Variants in IGF2BP3 observed in about 807,000 individuals in gnomAD.
The protein encoded by IGF2BP3 is insulin-like growth factor 2 mRNA-binding protein 3.
A neutral mutation model predicts 73.8 loss-of-function variants in IGF2BP3; 9 were observed. The observed-to-expected ratio is 0.12, with a 90% CI of 0.07 to 0.21. The LOEUF (loss-of-function observed/expected upper bound fraction) is 0.21, where lower values mean the gene tolerates loss of function less well. IGF2BP3 is among the 10% of genes least tolerant of loss of function. The pLI is 1.00. For synonymous variants in IGF2BP3, 258 were observed against 256.7 expected (o/e 1.01, Z -0.05); for missense variants, 542 against 714.0 (o/e 0.76, Z 2.75).
At chr7:23,411,177 C>T (rs1224915316) in intron 3 of IGF2BP3, among the ~76,000 whole-genome samples, 2 of 152,218 alleles carry the variant, frequency 1.3e-5, no homozygotes, top group African/African-American at 2.4e-5. Context: ...ACTCCCATTA[C>T]TACTTCTCGC....
At chr7:23,422,668 C>T (rs1251282149) in intron 2 of IGF2BP3, among the ~76,000 whole-genome samples, 1 of 152,186 alleles carries the variant, frequency 6.6e-6, no homozygotes, top group African/African-American at 2.4e-5. Context: ...ACATCCAACA[C>T]CCATTTAATT....
intron 10 of IGF2BP3, among the ~76,000 whole-genome samples, chr7:23,336,316 C>G (rs531051066): frequency 2.0e-5 from 3 of 152,252 alleles, no homozygotes; most frequent in African/African-American, 7.2e-5. Context: ...GATCTTAGTA[C>G]GTAATCTGTG....
At chr7:23,342,974 C>T (rs558178985) in intron 9 of IGF2BP3, among the ~76,000 whole-genome samples, 17 of 152,044 alleles carry the variant, frequency 1.1e-4, no homozygotes, top group Non-Finnish European at 2.1e-4. Context: ...ACATTTCCCT[C>T]GTCTCAGGTT....
At chr7:23,421,534 A>T (rs1787348008) in intron 2 of IGF2BP3, among the ~76,000 whole-genome samples, 1 of 150,890 alleles carries the variant, frequency 6.6e-6, no homozygotes, top group Non-Finnish European at 1.5e-5. Context: ...CTCTACTAAA[A>T]ATACAAAATT....
At chr7:23,460,875 C>T (rs1303124822) in intron 2 of IGF2BP3, among the ~76,000 whole-genome samples, 7 of 151,878 alleles carry the variant, frequency 4.6e-5, no homozygotes, top group African/African-American at 1.7e-4. Context: ...CTCTTGAACC[C>T]GGGAGGCGGA....
intron 3 of IGF2BP3, among the ~76,000 whole-genome samples, chr7:23,399,735 C>T (rs541294268): frequency 2.0e-4 from 30 of 152,054 alleles, no homozygotes; most frequent in Non-Finnish European, 4.1e-4. Flanking sequence ...AATAATACAC[C>T]TCTCCTCCAC....
In IGF2BP3 at chr7:23,323,511, C is replaced by T. The variant is rs1195920189; in HGVS notation, c.1204-4257G>A. Among the ~76,000 whole-genome samples, 48 of 146,524 alleles carry T rather than the reference C, an allele frequency of 3.3e-4. 1 individual carries two copies. The highest frequency in any genetic ancestry group is 8.4e-4 in the African/African-American group (32 of 38,080). ...CCACTGTCAACATTAGACAGATCAA[C>T]GAGACAGAAAGTCAACAAGGATACC... On this transcript the variant is annotated intron_variant, in intron 10 of 14. Transcript: ENST00000258729.
intron 12 of IGF2BP3, among the ~76,000 whole-genome samples, chr7:23,316,162 C>T (rs1245590810): frequency 6.6e-6 from 1 of 152,198 alleles, no homozygotes; most frequent in East Asian, 1.9e-4. Context: ...AATTTCTTCA[C>T]ATGATTTTCT....
chr7:23,335,776 C>G (rs1028726415), intron 10 of IGF2BP3, among the ~76,000 whole-genome samples: 5 of 152,208 alleles, frequency 3.3e-5, no homozygotes, highest in African/African-American at 1.2e-4. Flanking sequence ...CAAGACCATC[C>G]AGCTAAGGCG....
intron 2 of IGF2BP3, among the ~76,000 whole-genome samples, chr7:23,458,082 C>T (rs1788362675): frequency 6.6e-6 from 1 of 152,194 alleles, no homozygotes; most frequent in South Asian, 2.1e-4. Context: ...CAACGGCTTC[C>T]ATTGGAATGA....
intron 2 of IGF2BP3, among the ~76,000 whole-genome samples, chr7:23,438,496 T>A (rs189854673): frequency 1.4e-4 from 21 of 152,008 alleles, no homozygotes; most frequent in Non-Finnish European, 1.5e-5. Context: ...CCAACCTCAG[T>A]CACCATCTAA....
At position 23,398,538 on chromosome 7, in the gene IGF2BP3, C is replaced by A. The variant is rs369187822; in HGVS notation, c.285+20238G>T. Among the ~76,000 whole-genome samples the A allele has an allele frequency of 2.1e-3, 315 of 152,272 alleles. 3 individuals are homozygous for A. The highest frequency in any genetic ancestry group is 5.7e-3 in the African/African-American group (238 of 41,560). ...GTTTACAGTCCCACCAACAGTGTAA[C>A]AGTGTTCCTATTTCTCCACATCCTC... On this transcript the variant is annotated intron_variant, in intron 3 of 14. Coordinates refer to ENST00000258729, the MANE Select transcript of IGF2BP3 (RefSeq NM_006547.3).
At chr7:23,391,641 A>G (rs1351329939) in intron 3 of IGF2BP3, among the ~76,000 whole-genome samples, 1 of 152,226 alleles carries the variant, frequency 6.6e-6, no homozygotes, top group Non-Finnish European at 1.5e-5. Context: ...ACTACAAGAC[A>G]TCTACTTAGA....
intron 10 of IGF2BP3, among the ~76,000 whole-genome samples, chr7:23,339,564 GTTCTA>G (rs1241366908): frequency 2.0e-5 from 3 of 152,174 alleles, no homozygotes; most frequent in Non-Finnish European, 4.4e-5. Context: ...GTCCAAGAAT[GTTCTA>G]TTCTGTGATC....
intron 10 of IGF2BP3, among the ~76,000 whole-genome samples, chr7:23,322,079 A>G (rs1402740465): frequency 2.0e-5 from 3 of 152,236 alleles, no homozygotes; most frequent in African/African-American, 7.2e-5. Flanking sequence ...ACGGAGAGTG[A>G]CTTTGATGAG....
chr7:23,421,704 A>T (rs1011685623), intron 2 of IGF2BP3, among the ~76,000 whole-genome samples: 1 of 151,808 alleles, frequency 6.6e-6, no homozygotes, highest in Non-Finnish European at 1.5e-5. Context: ...AAAAAAAAAA[A>T]AAAGGTGCTC....
At chr7:23,325,620 T>G (rs1562673140) in intron 10 of IGF2BP3, among the ~76,000 whole-genome samples, 1 of 152,106 alleles carries the variant, frequency 6.6e-6, no homozygotes, top group Non-Finnish European at 1.5e-5. Context: ...GCCAAGTCAA[T>G]CCTAAGCCAA....
intron 3 of IGF2BP3, among the ~76,000 whole-genome samples, chr7:23,373,524 C>T (rs868023982): frequency 1.3e-5 from 2 of 152,184 alleles, no homozygotes; most frequent in South Asian, 2.1e-4. Context: ...ATTCAAGGGG[C>T]ATCATAAAAA....
intron 3 of IGF2BP3, among the ~76,000 whole-genome samples, chr7:23,378,685 T>C (rs1785809208): frequency 6.8e-6 from 1 of 147,364 alleles, no homozygotes; most frequent in Non-Finnish European, 1.5e-5. Flanking sequence ...GCCATTCTCC[T>C]GCCTCAGCCT....
Sources: gnomAD v4.1 joint callset for allele counts (sites outside exome capture counted in the v4.1 genomes callset) on GRCh38, gnomAD v4.1.1 for gene constraint, MANE v1.5 for transcripts, NCBI Gene and HGNC (gene_info 2026-07-23, HGNC 2026-07-21) for gene names.